NME8: variants seen among roughly 807,000 people sequenced by gnomAD.
The protein encoded by NME8 is protein NME8.
A neutral mutation model predicts 82.3 loss-of-function variants in NME8; 72 were observed. The observed-to-expected ratio is 0.87, with a 90% CI of 0.72 to 1.06. The LOEUF (loss-of-function observed/expected upper bound fraction) is 1.06. NME8 is among the 50% of genes least tolerant of loss of function. The probability of loss-of-function intolerance (pLI) is 0.00; values close to 1 mark genes in which losing one functional copy is unlikely to be tolerated. For missense variants in NME8, 712 were observed against 685.4 expected (o/e 1.04, Z -0.43); for synonymous variants, 267 against 228.5 (o/e 1.17, Z -1.52).
At chr7:37,850,758 A>T (rs761290030) in intron 5 of NME8, 23 bp downstream of exon 5, 4 of 1,466,074 alleles carry the variant, frequency 2.7e-6, no homozygotes, top group Non-Finnish European at 3.8e-6. Context: ...TTTTCATTAA[A>T]CCACTGTTTT....
intron 15 of NME8, among the ~76,000 whole-genome samples, chr7:37,893,471 C>A (rs906213298): frequency 7.9e-5 from 12 of 152,136 alleles, no homozygotes; most frequent in African/African-American, 2.9e-4. Context: ...ACTTACTTGG[C>A]CAACTTCATC....
At chr7:37,860,967 C>T (rs1784589977) in intron 6 of NME8, among the ~76,000 whole-genome samples, 1 of 152,152 alleles carries the variant, frequency 6.6e-6, no homozygotes, top group African/African-American at 2.4e-5. Flanking sequence ...TTTTACTGCC[C>T]AGGTCTCTGT....
intron 12 of NME8, among the ~76,000 whole-genome samples, chr7:37,878,220 A>G (rs2598019): frequency 0.47 from 71,971 of 151,960 alleles, 17,405 homozygotes; most frequent in East Asian, 0.74. Context: ...TGATGTGATT[A>G]TGTTTTTTCC....
At chr7:37,857,398 G>C in intron 6 of NME8, 53 bp downstream of exon 6, 1 of 1,166,738 alleles carries the variant, frequency 8.6e-7, no homozygotes, top group Middle Eastern at 1.9e-4. Flanking sequence ...TTGCAGTTAA[G>C]AACAAGTAAC....
intron 16 of NME8, among the ~76,000 whole-genome samples, chr7:37,895,680 A>G (rs1309818330): frequency 6.6e-6 from 1 of 152,120 alleles, no homozygotes; most frequent in Non-Finnish European, 1.5e-5. Context: ...ATAATGAATC[A>G]CATGTACAGC....
intron 4 of NME8, 65 bp downstream of exon 4, chr7:37,850,500 T>A: frequency 6.3e-7 from 1 of 1,585,672 alleles, no homozygotes; most frequent in Non-Finnish European, 8.7e-7. Flanking sequence ...TGGCACCCTG[T>A]CCCTCTAGAG....
intron 11 of NME8, among the ~76,000 whole-genome samples, chr7:37,873,759 T>C (rs1435865520): frequency 6.6e-6 from 1 of 152,244 alleles, no homozygotes; most frequent in Non-Finnish European, 1.5e-5. Context: ...AAAGGATAAG[T>C]AATGAATATG....
intron 15 of NME8, among the ~76,000 whole-genome samples, chr7:37,891,748 C>T (rs1785132542): frequency 1.3e-5 from 2 of 151,888 alleles, no homozygotes; most frequent in African/African-American, 4.8e-5. Context: ...AAACTAAAAA[C>T]CATGGTTTTG....
intron 11 of NME8, among the ~76,000 whole-genome samples, chr7:37,868,244 G>A (rs892286590): frequency 2.6e-5 from 4 of 152,220 alleles, no homozygotes; most frequent in Admixed American, 1.3e-4. Flanking sequence ...GTGGATTTTT[G>A]TTTAGGGATA....
chr7:37,897,693 G>A (rs912062538), intron 17 of NME8, among the ~76,000 whole-genome samples: 1 of 146,698 alleles, frequency 6.8e-6, no homozygotes, highest in Non-Finnish European at 1.5e-5. Flanking sequence ...AGGCCCTGAT[G>A]TATGTTGTTC....
intron 12 of NME8, among the ~76,000 whole-genome samples, chr7:37,883,507 T>G (rs1442716501): frequency 6.6e-6 from 1 of 152,248 alleles, no homozygotes; most frequent in Non-Finnish European, 1.5e-5. Context: ...TATTTCCTGT[T>G]TTTTGGCCTC....
At chr7:37,850,546 G>A in intron 4 of NME8, 83 bp from the exon 5 acceptor site, 1 of 1,516,788 alleles carries the variant, frequency 6.6e-7, no homozygotes, top group Non-Finnish European at 9.2e-7. Context: ...CAGTGCCTTT[G>A]CCCTGGCCAT....
chr7:37,874,317 C>T (rs1401622630), intron 11 of NME8, among the ~76,000 whole-genome samples: 1 of 152,114 alleles, frequency 6.6e-6, no homozygotes, highest in Admixed American at 6.5e-5. Context: ...ATTATCTCAA[C>T]AAAACCTAGA....
chr7:37,882,546 G>GGAAA (rs753903098), intron 12 of NME8, among the ~76,000 whole-genome samples: 1,142 of 102,076 alleles, frequency 0.011, 23 homozygotes, highest in Middle Eastern at 0.028. Flanking sequence ...AGGGAGGAAG[G>GGAAA]GAAAGAAAGA....
At chr7:37,888,568 A>G in intron 15 of NME8, 140 bp downstream of exon 15, 1 of 696,484 alleles carries the variant, frequency 1.4e-6, no homozygotes, top group South Asian at 1.7e-5. Flanking sequence ...CCTATCCTTC[A>G]TTTAGATTCA....
At chr7:37,857,248 T>C in intron 5 of NME8, 26 bp from the exon 6 acceptor site, 1 of 1,533,574 alleles carries the variant, frequency 6.5e-7, no homozygotes. Flanking sequence ...TTATTTATTA[T>C]TATATGAAAT....
At position 37,888,351 on chromosome 7, in the gene NME8, A is replaced by T; in HGVS notation, c.1322A>T (p.Glu441Val). The change falls in exon 15 of 18, where the codon GAA (glutamate) becomes GTA (valine). Residue 441 changes from glutamate to valine, a missense_variant. Coordinates refer to ENST00000199447, the MANE Select transcript of NME8 (RefSeq NM_016616.5). The part of the protein sequence containing the change: ...LYGSDSLETA[E>V]REIQHFFPLQ... ...GGCAGCGATTCATTAGAAACCGCTGAAAGGGAAATACAGCATTTCTTTCCT... is the reference window on the plus strand; with the variant it reads ...GGCAGCGATTCATTAGAAACCGCTGTAAGGGAAATACAGCATTTCTTTCCT... The T allele has an allele frequency of 6.2e-7, 1 of 1,613,484 alleles. No homozygotes were observed. The highest frequency in any genetic ancestry group is 8.5e-7 in the Non-Finnish European group (1 of 1,179,538).
intron 11 of NME8, among the ~76,000 whole-genome samples, chr7:37,873,816 G>A (rs934099853): frequency 6.6e-6 from 1 of 152,220 alleles, no homozygotes; most frequent in African/African-American, 2.4e-5. Flanking sequence ...ATGTTGATTA[G>A]GAGTGCTGGT....
Position 37,889,762 on chromosome 7 carries a change from G to A in NME8, c.1399+1334G>A, listed in dbSNP as rs567354370. Among the ~76,000 whole-genome samples the A allele has an allele frequency of 2.0e-5, 3 of 152,016 alleles. 1 individual carries two copies. The South Asian group carries it at 6.2e-4, about 32-fold the overall frequency. On this transcript the variant is annotated intron_variant, in intron 15 of 17. Coordinates refer to ENST00000199447, the MANE Select transcript of NME8 (RefSeq NM_016616.5). ...ACTTTTGTGAAGATTCTACATGTAT[G>A]AGGAGAAAAAATATTATCACTAGTG...
Sources: allele counts gnomAD v4.1 joint callset (sites outside exome capture counted in the v4.1 genomes callset), GRCh38; gene constraint gnomAD v4.1.1; transcripts MANE v1.5; gene names NCBI Gene and HGNC (gene_info 2026-07-23, HGNC 2026-07-21).